Variants in SLC22A16 observed in about 807,000 individuals in gnomAD.
SLC22A16 encodes the protein solute carrier family 22 member 16.
In SLC22A16, 53 loss-of-function variants were observed where a neutral mutation model predicts 52.9. The observed-to-expected ratio is 1.00, with a 90% CI of 0.80 to 1.26. SLC22A16 has a LOEUF of 1.26. Among genes scored for constraint, SLC22A16 ranks in the 50% most tolerant of loss-of-function variants. The probability of loss-of-function intolerance (pLI) is 0.00; values close to 1 mark genes in which losing one functional copy is unlikely to be tolerated. For synonymous variants in SLC22A16, 291 were observed against 268.8 expected, an observed-to-expected ratio of 1.08 and a Z score of -0.81; for missense variants, 726 against 704.0, an observed-to-expected ratio of 1.03 and a Z score of -0.35.
rs149149252 is a variant in SLC22A16 at position 110,442,622 on chromosome 6, G to A, written c.805C>T (p.Leu269Phe). ...ACTGTGGAGAGGATCATCTGGTAAA[G>A]CCACCAGGTCCTGACCAAGTATCCT... is the stretch of plus-strand genomic sequence containing the variant. ...LTGYLVRTWW[L>F]YQMILSTVTV... Residue 269 changes from leucine (L) to phenylalanine (F), a missense_variant, in exon 4 of 8, where the codon CTT becomes TTT. Coordinates refer to ENST00000368919, the MANE Select transcript of SLC22A16 (RefSeq NM_033125.4). 1.4e-5 allele frequency: 23 copies of A among 1,614,054 alleles called. No homozygotes were observed. The African/African-American group carries it at 2.9e-4, about 21-fold the overall frequency.
rs141768563 is a variant in SLC22A16, at chr6:110,453,188, T to C, written c.533+3350A>G. Among the ~76,000 whole-genome samples, 535 of 152,332 alleles carry C rather than the reference T, an allele frequency of 3.5e-3. 1 individual carries two copies. Among genetic ancestry groups the C allele is most frequent in the African/African-American group, 0.012 (516 of 41,578 alleles). On this transcript the variant is annotated intron_variant, in intron 2 of 7. Transcript: ENST00000368919. ...CAGTTTTTATCAATATTTTTAAGCT[T>C]GTCTTCTATTTCTTTAAAAATAGTA...
rs568633340 is a variant in SLC22A16 at position 110,468,767 on chromosome 6, G to A, written c.53+7755C>T. Among the ~76,000 whole-genome samples, 4 of 152,222 alleles carry A rather than the reference G, an allele frequency of 2.6e-5. 1 individual carries two copies. The highest frequency in any genetic ancestry group is 2.0e-4 in the Admixed American group (3 of 15,290). On this transcript the variant is annotated intron_variant, in intron 1 of 7. Transcript: ENST00000368919. Reference sequence around the variant, plus strand: ...GAACAGTAGGCTGAGAAGACAGGCCGGTGTTGCTCTTGCTCAAAAGACCCC... The same window carrying A: ...GAACAGTAGGCTGAGAAGACAGGCCAGTGTTGCTCTTGCTCAAAAGACCCC...
intron 2 of SLC22A16, 83 bp from the exon 3 acceptor site, chr6:110,447,073 G>A: frequency 9.3e-7 from 1 of 1,074,898 alleles, no homozygotes; most frequent in Non-Finnish European, 1.4e-6. Context: ...TAAAAGATAG[G>A]CATTACCTAT....
intron 5 of SLC22A16, among the ~76,000 whole-genome samples, chr6:110,437,287 C>T (rs1030664555): frequency 5.3e-5 from 8 of 152,110 alleles, no homozygotes; most frequent in African/African-American, 1.9e-4. Flanking sequence ...TCTCCATCAG[C>T]CTCTTTCTCA....
At position 110,465,435 on chromosome 6, in the gene SLC22A16, A is replaced by C. The variant is rs1344245852; in HGVS notation, c.54-8418T>G. 2.6e-5 allele frequency among the ~76,000 whole-genome samples: 4 copies of C among 152,298 alleles called. No individual in the cohort carries two copies. The East Asian group carries it at 7.7e-4, about 29-fold the overall frequency. On this transcript the variant is annotated intron_variant, in intron 1 of 7. Coordinates refer to ENST00000368919, the MANE Select transcript of SLC22A16 (RefSeq NM_033125.4). ...AAAAGACTCCTAGACTTGATAAACA[A>C]CTTCAGTAAAGTTTCAAGAAACAAA...
chr6:110,446,947 A>G lies in SLC22A16; in HGVS notation c.577T>C (p.Phe193Leu), dbSNP rs1775199005. Residue 193 changes from phenylalanine (F) to leucine (L), a missense_variant, in exon 3 of 8, where the codon TTT becomes CTT. Phe to Leu is a conservative substitution (Grantham distance 22). Coordinates refer to ENST00000368919, the MANE Select transcript of SLC22A16 (RefSeq NM_033125.4). ...VVLWATSSSM[F>L]LFGIAAAFAV... ...AACGCCGCTGCTATTCCAAACAAAA[A>G]CATGCTACTGCTTGTGGCCCACAAG... is the stretch of plus-strand genomic sequence containing the variant. 6.2e-7 allele frequency: 1 copy of G among 1,613,904 alleles called. No homozygotes were observed. The highest frequency in any genetic ancestry group is 8.5e-7 in the Non-Finnish European group (1 of 1,179,948).
Position 110,442,517 on chromosome 6 carries a change from C to T in SLC22A16, c.910G>A (p.Ala304Thr), listed in dbSNP as rs749775428. The change falls in exon 4 of 8, where the codon GCA (alanine) becomes ACA (threonine). Residue 304 changes from alanine (A) to threonine (T), a missense_variant. Ala to Thr is a moderately conservative substitution (Grantham distance 58). Transcript: ENST00000368919. ...GCCATGATGTCAACTATTTTTTGTG[C>T]TTCTTCATATCGTCCCTCTGAGAGA... Reference protein sequence around the residue: ...WLLSEGRYEEAQKIVDIMAKW... With the variant: ...WLLSEGRYEETQKIVDIMAKW... 2 of 1,614,156 alleles carry T rather than the reference C, an allele frequency of 1.2e-6. No individual in the cohort carries two copies. The highest frequency in any genetic ancestry group is 1.7e-6 in the Non-Finnish European group (2 of 1,180,032).
At chr6:110,455,338 A>G (rs988642252) in intron 2 of SLC22A16, 2 of 152,120 alleles carry the variant, frequency 1.3e-5, no homozygotes, top group Admixed American at 1.3e-4. Flanking sequence ...AATTTGTATA[A>G]CAGCTTGCTG....
At chr6:110,461,489 G>T (rs1775882073) in intron 1 of SLC22A16, among the ~76,000 whole-genome samples, 2 of 152,140 alleles carry the variant, frequency 1.3e-5, no homozygotes. Flanking sequence ...TGACCTGAGG[G>T]TGAGCTAGCT....
intron 1 of SLC22A16, among the ~76,000 whole-genome samples, chr6:110,465,014 C>A (rs1024703897): frequency 1.3e-5 from 2 of 151,170 alleles, no homozygotes. Flanking sequence ...TCATTCACCA[C>A]GTAAACAAAA....
At chr6:110,432,536 A>G (rs1774547084) in intron 6 of SLC22A16, among the ~76,000 whole-genome samples, 1 of 152,162 alleles carries the variant, frequency 6.6e-6, no homozygotes, top group Non-Finnish European at 1.5e-5. Flanking sequence ...GGAAAATCTG[A>G]AGCTTTTCCT....
chr6:110,461,986 C>A (rs1348604936), intron 1 of SLC22A16, among the ~76,000 whole-genome samples: 1 of 152,162 alleles, frequency 6.6e-6, no homozygotes, highest in East Asian at 1.9e-4. Flanking sequence ...GCTGGGGAGG[C>A]CTCACAATCA....
intron 3 of SLC22A16, among the ~76,000 whole-genome samples, chr6:110,445,926 C>A (rs769435161): frequency 1.3e-5 from 2 of 152,134 alleles, no homozygotes; most frequent in Non-Finnish European, 2.9e-5. Flanking sequence ...AGGTACAACA[C>A]CTTCCAGTCT....
chr6:110,473,764 A>T (rs547387719), intron 1 of SLC22A16, among the ~76,000 whole-genome samples: 15 of 151,722 alleles, frequency 9.9e-5, no homozygotes, highest in Non-Finnish European at 1.9e-4. Context: ...CGACCTCGTG[A>T]TCTGCCTGCC....
At chr6:110,425,152 A>G (rs1172234126) in intron 7 of SLC22A16, 67 bp from the exon 8 acceptor site, 42 of 1,589,608 alleles carry the variant, frequency 2.6e-5, no homozygotes, top group Non-Finnish European at 3.3e-5. Context: ...GGAGAATAGA[A>G]TTTCCTAACT....
intron 1 of SLC22A16, among the ~76,000 whole-genome samples, chr6:110,474,133 T>C (rs2114335288): frequency 6.6e-6 from 1 of 152,298 alleles, no homozygotes; most frequent in East Asian, 1.9e-4. Context: ...GAGAATCTAA[T>C]GCCTGATGAT....
intron 7 of SLC22A16, among the ~76,000 whole-genome samples, chr6:110,428,317 C>T (rs752802070): frequency 2.0e-5 from 3 of 150,608 alleles, no homozygotes; most frequent in Non-Finnish European, 4.4e-5. Context: ...TCACAGACTA[C>T]TTCCATAAAT....
intron 1 of SLC22A16, among the ~76,000 whole-genome samples, chr6:110,459,278 G>C (rs1429415933): frequency 1.3e-5 from 2 of 152,146 alleles, no homozygotes; most frequent in East Asian, 3.9e-4. Context: ...TATCTTTACA[G>C]TGGGGAAACC....
chr6:110,453,410 A>G (rs779940292), intron 2 of SLC22A16, among the ~76,000 whole-genome samples: 1 of 152,320 alleles, frequency 6.6e-6, no homozygotes, highest in Non-Finnish European at 1.5e-5. Context: ...AGATGAGGGT[A>G]TACAAAGAAT....
Sources: allele counts gnomAD v4.1 joint callset (sites outside exome capture counted in the v4.1 genomes callset), GRCh38; gene constraint gnomAD v4.1.1; transcripts MANE v1.5; gene names NCBI Gene and HGNC (gene_info 2026-07-23, HGNC 2026-07-21).